The following FYB1 variants were observed in gnomAD, a reference collection of about 807,000 sequenced individuals.
The protein encoded by FYB1 is FYN binding protein 1.
Under a neutral mutation model 94.1 loss-of-function variants are expected in FYB1, and 41 were observed. The ratio of observed to expected loss-of-function variants is 0.44; its 90% CI spans 0.34 to 0.57. The LOEUF (loss-of-function observed/expected upper bound fraction) is 0.57, where lower values mean the gene tolerates loss of function less well. FYB1 is among the 20% of genes least tolerant of loss of function. The probability of loss-of-function intolerance (pLI) is 0.02; values close to 1 mark genes in which losing one functional copy is unlikely to be tolerated. For synonymous variants in FYB1, 367 were observed against 353.2 expected, an observed-to-expected ratio of 1.04 and a Z score of -0.44; for missense variants, 1,050 against 976.8, an observed-to-expected ratio of 1.07 and a Z score of -1.00.
At chr5:39,188,405 C>A (rs1747037333) in intron 2 of FYB1, among the ~76,000 whole-genome samples, 2 of 152,076 alleles carry the variant, frequency 1.3e-5, no homozygotes, top group Admixed American at 1.3e-4. Flanking sequence ...TACAGTATTT[C>A]TTTTAAGAAA....
At chr5:39,250,242 G>T (rs969724275) in intron 1 of FYB1, among the ~76,000 whole-genome samples, 3 of 152,190 alleles carry the variant, frequency 2.0e-5, no homozygotes, top group Admixed American at 6.5e-5. Context: ...CTTGAGAGAA[G>T]CAGAGAATGC....
intron 2 of FYB1, among the ~76,000 whole-genome samples, chr5:39,180,195 T>C (rs1746094214): frequency 6.6e-6 from 1 of 152,196 alleles, no homozygotes; most frequent in Non-Finnish European, 1.5e-5. Flanking sequence ...ATGTTTGCCA[T>C]GTCCAGAATA....
rs148033737 is a variant in FYB1 at position 39,239,546 on chromosome 5, C to T, written c.-28+34857G>A. ...TAAGCTGAGAGCCAAATCAAGAATG[C>T]AATCCTATTCACAATAGCCACAAAA... On this transcript the variant is annotated intron_variant, in intron 1 of 1. Transcript: ENST00000510188. Among the ~76,000 whole-genome samples the T allele has an allele frequency of 1.9e-4, 29 of 152,128 alleles. No homozygotes were observed. The East Asian group carries it at 2.3e-3, about 12-fold the overall frequency.
intron 2 of FYB1, among the ~76,000 whole-genome samples, chr5:39,178,784 G>T (rs1323890889): frequency 6.6e-6 from 1 of 152,208 alleles, no homozygotes; most frequent in Non-Finnish European, 1.5e-5. Context: ...TTAACATTGT[G>T]TGTACTAGAC....
chr5:39,205,132 G>T (rs1748729428), intron 1 of FYB1, among the ~76,000 whole-genome samples: 1 of 152,032 alleles, frequency 6.6e-6, no homozygotes, highest in Non-Finnish European at 1.5e-5. Flanking sequence ...ACAAAAATTT[G>T]CCCCCTAACT....
At position 39,202,082 on chromosome 5, in the gene FYB1, GT is replaced by G. The variant is rs1748378376; in HGVS notation, c.878del (p.Asn293ThrfsTer7). The G allele has an allele frequency of 6.2e-7, 1 of 1,613,902 alleles. No homozygotes were observed. Among genetic ancestry groups the G allele is most frequent in the Non-Finnish European group, 8.5e-7 (1 of 1,179,904 alleles). ...KEDRKIDAAK[N>X]TFQSKINQEE... is the part of the protein sequence containing the mutation. ...CCTGATTTATTTTGCTCTGGAAGGT[GT>G]TCTTAGCAGCATCTATCTTCCTATC... On this transcript the variant is annotated frameshift_variant, in exon 2 of 19. Coordinates refer to ENST00000512982, the MANE Select transcript of FYB1 (RefSeq NM_001465.6). LOFTEE classifies it high-confidence loss of function.
chr5:39,163,358 A>AT (rs1299274089), intron 2 of FYB1, among the ~76,000 whole-genome samples: 1 of 152,256 alleles, frequency 6.6e-6, no homozygotes, highest in African/African-American at 2.4e-5. Flanking sequence ...AAGAAAAGTA[A>AT]TACTGAAACA....
intron 2 of FYB1, among the ~76,000 whole-genome samples, chr5:39,176,246 G>A (rs1418253160): frequency 6.9e-6 from 1 of 144,576 alleles, no homozygotes; most frequent in Non-Finnish European, 1.5e-5. Context: ...CACCTCCTGG[G>A]TTCAAGTGAT....
chr5:39,168,471 T>C (rs1019704757), intron 2 of FYB1, among the ~76,000 whole-genome samples: 7 of 152,196 alleles, frequency 4.6e-5, no homozygotes, highest in Admixed American at 2.0e-4. Flanking sequence ...TGTAAGAAAT[T>C]TGTGGATTTC....
intron 2 of FYB1, among the ~76,000 whole-genome samples, chr5:39,197,226 C>G (rs1027669663): frequency 1.3e-5 from 2 of 152,112 alleles, no homozygotes; most frequent in Non-Finnish European, 2.9e-5. Context: ...TCATTTTGCT[C>G]CCGTCAATAA....
chr5:39,124,403 C>G (rs1237279456), intron 12 of FYB1, 125 bp from the exon 13 acceptor site: 1 of 542,490 alleles, frequency 1.8e-6, no homozygotes, highest in Non-Finnish European at 3.2e-6. Flanking sequence ...ATCTGTTGAC[C>G]ATCATTTCTT....
At chr5:39,247,071 C>CATAT (rs3085950) in intron 1 of FYB1, among the ~76,000 whole-genome samples, 1,087 of 65,490 alleles carry the variant, frequency 0.017, 21 homozygotes, top group Non-Finnish European at 0.019. Flanking sequence ...AATGCGTGTT[C>CATAT]ATATATATAT....
Position 39,208,486 on chromosome 5 carries a change from A to G in FYB1, c.-27-5499T>C, listed in dbSNP as rs533227745. ...TTTATTGTTAGTTATGTTGAGATAA[A>G]GTCGTTTGTTACCCATGACTTACTT... On this transcript the variant is annotated intron_variant, in intron 1 of 18. Transcript: ENST00000512982. 2.4e-4 allele frequency among the ~76,000 whole-genome samples: 36 copies of G among 152,304 alleles called. 1 individual carries two copies. In the South Asian group the frequency reaches 7.5e-3, roughly 32 times the overall value.
chr5:39,186,396 C>A (rs1014364853), intron 2 of FYB1, among the ~76,000 whole-genome samples: 1 of 152,104 alleles, frequency 6.6e-6, no homozygotes, highest in Non-Finnish European at 1.5e-5. Context: ...TGCACTCCAG[C>A]CTGGCGACAG....
At chr5:39,194,077 T>G (rs1747610788) in intron 2 of FYB1, among the ~76,000 whole-genome samples, 1 of 152,172 alleles carries the variant, frequency 6.6e-6, no homozygotes, top group African/African-American at 2.4e-5. Flanking sequence ...CTGGCTAAGA[T>G]TCTTGACCTT....
chr5:39,175,504 G>A (rs1000091827), intron 2 of FYB1, among the ~76,000 whole-genome samples: 1 of 152,182 alleles, frequency 6.6e-6, no homozygotes, highest in Admixed American at 6.5e-5. Flanking sequence ...CTTCTTCTGG[G>A]ACTTATAAAA....
At chr5:39,178,077 G>A (rs1198953481) in intron 2 of FYB1, among the ~76,000 whole-genome samples, 1 of 152,168 alleles carries the variant, frequency 6.6e-6, no homozygotes, top group African/African-American at 2.4e-5. Context: ...TTCCCCCAAA[G>A]TTAATTCCTG....
In FYB1 at chr5:39,231,445, T is replaced by C. The variant is rs569801291; in HGVS notation, c.-27-28458A>G. Among the ~76,000 whole-genome samples the C allele has an allele frequency of 1.2e-3, 186 of 152,242 alleles. 1 individual carries two copies. Among genetic ancestry groups the C allele is most frequent in the African/African-American group, 4.3e-3 (178 of 41,548 alleles). On this transcript the variant is annotated intron_variant, in intron 1 of 1. Coordinates refer to the FYB1 transcript ENST00000510188. Reference sequence around the variant, plus strand: ...AAAGTTGAATAAGAAAAAAATCTCTTCTCTCAAGAAACCCAAGGCTATTTG... The same window carrying C: ...AAAGTTGAATAAGAAAAAAATCTCTCCTCTCAAGAAACCCAAGGCTATTTG...
At chr5:39,148,784 G>A (rs937763010) in intron 3 of FYB1, among the ~76,000 whole-genome samples, 2 of 152,056 alleles carry the variant, frequency 1.3e-5, no homozygotes, top group African/African-American at 2.4e-5. Flanking sequence ...GGTAAGAACT[G>A]TTGAACCTTC....
Sources: allele counts gnomAD v4.1 joint callset (sites outside exome capture counted in the v4.1 genomes callset), GRCh38; gene constraint gnomAD v4.1.1; transcripts MANE v1.5; gene names NCBI Gene and HGNC (gene_info 2026-07-23, HGNC 2026-07-21).